Variants in CD8B observed in about 807,000 individuals in gnomAD.
CD8B encodes the protein T-cell surface glycoprotein CD8 beta chain.
A neutral mutation model predicts 24.2 loss-of-function variants in CD8B; 6 were observed. The ratio of observed to expected loss-of-function variants is 0.25; its 90% CI spans 0.14 to 0.49. The LOEUF is 0.49. Among genes scored for constraint, CD8B ranks in the 20% least tolerant of loss-of-function variants. The pLI, the probability that CD8B is intolerant of heterozygous loss-of-function variation, is 0.98. For synonymous variants in CD8B, 84 were observed against 108.3 expected, an observed-to-expected ratio of 0.78 and a Z score of 1.39; for missense variants, 196 against 271.3, an observed-to-expected ratio of 0.72 and a Z score of 1.95.
In CD8B at chr2:86,842,197, A is replaced by G. The variant is rs1675465391; in HGVS notation, c.*110T>C. On this transcript the variant is annotated 3_prime_UTR_variant, in exon 6 of 6. Coordinates refer to ENST00000390655, the MANE Select transcript of CD8B (RefSeq NM_004931.5). ...GCAGTGAAAAGCAGGCAGCTTCAGC[A>G]GCCATTGAACTCTCCAGGGTTGAAT... 2.7e-6 allele frequency: 4 copies of G among 1,480,458 alleles called. No individual in the cohort carries two copies. The Admixed American group carries it at 1.0e-4, about 37-fold the overall frequency. 91.7% of individuals were successfully genotyped at this position (1,480,458 alleles called of 1,614,324 possible). A position where few individuals can be genotyped will look rare whatever the true frequency, so the allele number is the denominator to read the frequency against.
At chr2:86,857,637 T>C (rs1676333014) in intron 2 of CD8B, among the ~76,000 whole-genome samples, 1 of 152,084 alleles carries the variant, frequency 6.6e-6, no homozygotes, top group Non-Finnish European at 1.5e-5. Context: ...GGAGAATCAC[T>C]TGAACCCGGG....
chr2:86,861,367 A>G (rs911840653), intron 1 of CD8B, among the ~76,000 whole-genome samples: 8 of 151,862 alleles, frequency 5.3e-5, no homozygotes, highest in Non-Finnish European at 1.0e-4. Context: ...GAGAACTGAG[A>G]ACGCCCGATG....
intron 3 of CD8B, among the ~76,000 whole-genome samples, chr2:86,848,228 C>T (rs541847540): frequency 9.2e-5 from 14 of 152,158 alleles, no homozygotes; most frequent in South Asian, 4.1e-4. Flanking sequence ...CACTGACTTC[C>T]GTCCCCACCC....
chr2:86,857,362 C>T (rs1192686297), intron 2 of CD8B, among the ~76,000 whole-genome samples: 18 of 152,202 alleles, frequency 1.2e-4, no homozygotes, highest in Admixed American at 1.2e-3. Context: ...CAGCCCAATC[C>T]AGCCGTAGCT....
At position 86,839,430 on chromosome 2, in the gene CD8B, G is replaced by C. The variant is rs1675315303; in HGVS notation, c.*2877C>G. ...CAGATAAATGCCAACAAGTGGAATT[G>C]CTAGTCAAAAGATAGCTGGATGGAG... On this transcript the variant is annotated 3_prime_UTR_variant, in exon 6 of 6. Transcript: ENST00000390655. Among the ~76,000 whole-genome samples, 1 of 152,240 alleles carries C rather than the reference G, an allele frequency of 6.6e-6. No individual in the cohort carries two copies. Among genetic ancestry groups the C allele is most frequent in the African/African-American group, 2.4e-5 (1 of 41,462 alleles).
intron 5 of CD8B, among the ~76,000 whole-genome samples, chr2:86,816,929 A>T (rs577789072): frequency 6.6e-6 from 1 of 152,340 alleles, no homozygotes; most frequent in South Asian, 2.1e-4. Context: ...TTAGTAGAAG[A>T]TATTTGCAGT....
At chr2:86,834,868 G>A (rs1473318761), downstream of CD8B, among the ~76,000 whole-genome samples, 55 of 149,834 alleles carry the variant, frequency 3.7e-4, 1 homozygote, top group Admixed American at 2.7e-3. Flanking sequence ...CCCGGGAGGC[G>A]GAGGTTGCAG....
chr2:86,830,112 G>C (rs1026855005), intron 5 of CD8B, among the ~76,000 whole-genome samples: 4 of 152,046 alleles, frequency 2.6e-5, no homozygotes, highest in African/African-American at 9.7e-5. Flanking sequence ...CACCTAGGCT[G>C]GAGTGCAGTG....
rs1290116157 is a variant in CD8B, at chr2:86,841,547, AG to A, written c.*759del. On this transcript the variant is annotated 3_prime_UTR_variant, in exon 6 of 6. Transcript: ENST00000390655. ...CACGGAGCACTGATGTCTTTGCTGT[AG>A]ATGGGCTTTCGCACGTTTATGTCAC... The A allele has an allele frequency of 3.1e-6, 3 of 982,270 alleles. No individual in the cohort carries two copies. The highest frequency in any genetic ancestry group is 6.1e-5 in the Admixed American group (1 of 16,276). The allele number at this position is 982,270 out of a possible 1,614,324, so 60.8% of individuals were successfully genotyped here.
chr2:86,853,775 G>A (rs542409111), intron 2 of CD8B, among the ~76,000 whole-genome samples: 3 of 151,920 alleles, frequency 2.0e-5, no homozygotes, highest in Non-Finnish European at 2.9e-5. Context: ...GCACGATCTC[G>A]GCTCACTGCA....
In CD8B at chr2:86,841,351, T is replaced by C. The variant is rs1174818397; in HGVS notation, c.*956A>G. 6.7e-6 allele frequency among the ~76,000 whole-genome samples: 1 copy of C among 149,992 alleles called. No individual in the cohort carries two copies. The highest frequency in any genetic ancestry group is 1.5e-5 in the Non-Finnish European group (1 of 67,556). On this transcript the variant is annotated 3_prime_UTR_variant, in exon 6 of 6. Coordinates refer to ENST00000390655, the MANE Select transcript of CD8B (RefSeq NM_004931.5). ...CGCGGTAGAAATGAACACGTGCTAG[T>C]TCAGCTTGGGAGTGGGCTGGGAGAG...
intron 3 of CD8B, among the ~76,000 whole-genome samples, chr2:86,848,839 C>G (rs1480017577): frequency 6.6e-6 from 1 of 152,058 alleles, no homozygotes; most frequent in Non-Finnish European, 1.5e-5. Flanking sequence ...TTCTCAGCCT[C>G]CTTAGTAGCT....
intron 5 of CD8B, chr2:86,822,422 G>A (rs1163301123): frequency 2.6e-6 from 3 of 1,165,172 alleles, no homozygotes; most frequent in Non-Finnish European, 3.8e-6. Context: ...TAAAAGCAAT[G>A]GAAATGTTCA....
At chr2:86,855,829 C>T (rs1426321972) in intron 2 of CD8B, among the ~76,000 whole-genome samples, 1 of 152,204 alleles carries the variant, frequency 6.6e-6, no homozygotes, top group Non-Finnish European at 1.5e-5. Context: ...TTTGGGCCCT[C>T]AGTGCCTTGG....
At chr2:86,843,579 T>C (rs1675535430) in intron 5 of CD8B, 1 of 983,740 alleles carries the variant, frequency 1.0e-6, no homozygotes. Context: ...AAATATAATG[T>C]GTACAACAAT....
intron 2 of CD8B, 39 bp downstream of exon 2, chr2:86,858,018 C>A (rs1268608779): frequency 1.3e-6 from 2 of 1,598,392 alleles, no homozygotes; most frequent in East Asian, 2.2e-5. Flanking sequence ...GCCTGGCACA[C>A]AATCGGTGCT....
At chr2:86,828,369 G>A (rs1309469442) in intron 5 of CD8B, among the ~76,000 whole-genome samples, 1 of 151,494 alleles carries the variant, frequency 6.6e-6, no homozygotes, top group African/African-American at 2.4e-5. Flanking sequence ...AGTTTTTAAT[G>A]TAGATATATA....
At chr2:86,818,977 A>T (rs1374692134) in intron 5 of CD8B, among the ~76,000 whole-genome samples, 1 of 152,222 alleles carries the variant, frequency 6.6e-6, no homozygotes, top group African/African-American at 2.4e-5. Context: ...TATTGCTGAT[A>T]TGGAGAGAGT....
chr2:86,817,544 T>C (rs1674301102), intron 5 of CD8B, among the ~76,000 whole-genome samples: 1 of 152,228 alleles, frequency 6.6e-6, no homozygotes, highest in African/African-American at 2.4e-5. Context: ...CACTCTGACA[T>C]TATTTATAAA....
Sources: allele counts gnomAD v4.1 joint callset (sites outside exome capture counted in the v4.1 genomes callset), GRCh38; gene constraint gnomAD v4.1.1; transcripts MANE v1.5; gene names NCBI Gene and HGNC (gene_info 2026-07-23, HGNC 2026-07-21).